FRMD4A: variants seen among roughly 807,000 people sequenced by gnomAD.
FRMD4A encodes FERM domain-containing protein 4A.
Under a neutral mutation model 129.1 loss-of-function variants are expected in FRMD4A, and 29 were observed. The ratio of observed to expected loss-of-function variants is 0.22; its 90% CI spans 0.17 to 0.31. FRMD4A has a LOEUF of 0.31. Ranked by LOEUF, FRMD4A falls within the 10% of genes least tolerant of loss-of-function variation. FRMD4A has a pLI of 1.00. For synonymous variants in FRMD4A, 634 were observed against 571.6 expected (o/e 1.11, Z -1.56); for missense variants, 1,272 against 1,375.8 (o/e 0.92, Z 1.19).
chr10:13,964,480 G>C (rs1455268932), intron 2 of FRMD4A, among the ~76,000 whole-genome samples: 1 of 150,962 alleles, frequency 6.6e-6, no homozygotes, highest in African/African-American at 2.4e-5. Context: ...GCAGGGTGGG[G>C]GTGGGTGGGG....
intron 2 of FRMD4A, among the ~76,000 whole-genome samples, chr10:13,980,815 C>T (rs1043637633): frequency 2.6e-5 from 4 of 152,110 alleles, no homozygotes; most frequent in Non-Finnish European, 4.4e-5. Context: ...CCCAGACCAA[C>T]GATAGTAGAA....
intron 20 of FRMD4A, among the ~76,000 whole-genome samples, chr10:13,659,850 G>A (rs542385350): frequency 4.6e-5 from 4 of 87,530 alleles, no homozygotes; most frequent in East Asian, 3.7e-4. Flanking sequence ...GAAGCAGACC[G>A]AAAATGCCTT....
intron 2 of FRMD4A, among the ~76,000 whole-genome samples, chr10:13,922,372 G>T (rs1356876516): frequency 6.6e-6 from 1 of 152,012 alleles, no homozygotes; most frequent in African/African-American, 2.4e-5. Context: ...GTCAGTACAT[G>T]TATTATGGCA....
At chr10:13,824,135 G>A (rs551592357) in intron 3 of FRMD4A, among the ~76,000 whole-genome samples, 103 of 152,054 alleles carry the variant, frequency 6.8e-4, no homozygotes, top group African/African-American at 2.4e-3. Flanking sequence ...CATATCCACA[G>A]GTTCTGCATC....
intron 2 of FRMD4A, among the ~76,000 whole-genome samples, chr10:14,031,064 C>T (rs1441832009): frequency 6.6e-6 from 1 of 152,154 alleles, no homozygotes; most frequent in Non-Finnish European, 1.5e-5. Context: ...CTCAGTCTTG[C>T]CATCTGTCAC....
At chr10:14,238,130 T>C (rs1331684115) in intron 2 of FRMD4A, among the ~76,000 whole-genome samples, 2 of 152,190 alleles carry the variant, frequency 1.3e-5, no homozygotes. Flanking sequence ...AGGCACCAGT[T>C]ACACTTCTCT....
At chr10:14,096,842 CAA>C (rs1355053040) in intron 2 of FRMD4A, among the ~76,000 whole-genome samples, 3 of 151,880 alleles carry the variant, frequency 2.0e-5, no homozygotes, top group Non-Finnish European at 4.4e-5. Flanking sequence ...CACTAAAGAA[CAA>C]AAAAAGCAGG....
chr10:14,312,710 C>CA (rs930081112), intron 2 of FRMD4A, among the ~76,000 whole-genome samples: 1 of 150,632 alleles, frequency 6.6e-6, no homozygotes, highest in African/African-American at 2.4e-5. Context: ...AAAAAAAATA[C>CA]AAAAAATTAG....
intron 2 of FRMD4A, among the ~76,000 whole-genome samples, chr10:14,113,788 G>A (rs1451231771): frequency 6.7e-6 from 1 of 148,176 alleles, no homozygotes; most frequent in Non-Finnish European, 1.5e-5. Flanking sequence ...GCGTGTGTGC[G>A]TGTGTGTGTG....
intron 2 of FRMD4A, among the ~76,000 whole-genome samples, chr10:13,885,017 T>A (rs919948225): frequency 5.9e-5 from 9 of 152,180 alleles, no homozygotes; most frequent in African/African-American, 2.2e-4. Context: ...AAAGTTAGCA[T>A]CGTTGAGCCT....
chr10:14,299,209 T>C (rs755517862), intron 2 of FRMD4A, among the ~76,000 whole-genome samples: 2 of 152,190 alleles, frequency 1.3e-5, no homozygotes, highest in Non-Finnish European at 2.9e-5. Flanking sequence ...GGAAAACTTC[T>C]TGTCAAAGTG....
At chr10:13,655,327 C>T (rs1403196060) in intron 22 of FRMD4A, 5 of 152,116 alleles carry the variant, frequency 3.3e-5, no homozygotes, top group Non-Finnish European at 7.3e-5. Flanking sequence ...AGAACATAAA[C>T]CCTCCTGTTT....
At position 13,654,787 on chromosome 10, in the gene FRMD4A, T is replaced by C. The variant is rs564115594; in HGVS notation, c.2954-275A>G. ...TCTGAGTCAAGCTGACCTGGGATCCTAGGTCCCCGCTTTGCCACCAGGAGG... is the reference window on the plus strand; with the variant it reads ...TCTGAGTCAAGCTGACCTGGGATCCCAGGTCCCCGCTTTGCCACCAGGAGG... On this transcript the variant is annotated intron_variant, in intron 22 of 24. Coordinates refer to ENST00000357447, the MANE Select transcript of FRMD4A (RefSeq NM_018027.5). 12 of 480,596 alleles carry C rather than the reference T, an allele frequency of 2.5e-5. 1 individual carries two copies. In the South Asian group the frequency reaches 4.4e-4, roughly 18 times the overall value. The allele number at this position is 480,596 out of a possible 1,614,324, so 29.8% of individuals were successfully genotyped here.
chr10:14,180,298 T>C (rs1285329062), intron 2 of FRMD4A, among the ~76,000 whole-genome samples: 1 of 152,192 alleles, frequency 6.6e-6, no homozygotes, highest in Non-Finnish European at 1.5e-5. Flanking sequence ...TTAAGTATGG[T>C]AGTAGATAGC....
At chr10:13,869,658 C>A (rs576274519) in intron 2 of FRMD4A, among the ~76,000 whole-genome samples, 1 of 152,332 alleles carries the variant, frequency 6.6e-6, no homozygotes, top group South Asian at 2.1e-4. Context: ...GAACTCCAGG[C>A]TCCTGGGGGG....
chr10:13,795,747 G>C (rs746425542), intron 5 of FRMD4A, among the ~76,000 whole-genome samples: 1 of 152,148 alleles, frequency 6.6e-6, no homozygotes, highest in Non-Finnish European at 1.5e-5. Context: ...CTGCTGGACT[G>C]GGGGCTCAGA....
chr10:14,233,376 C>T (rs1172978810), intron 2 of FRMD4A, among the ~76,000 whole-genome samples: 11 of 151,384 alleles, frequency 7.3e-5, no homozygotes, highest in Admixed American at 6.6e-4. Flanking sequence ...TCAAGACCAG[C>T]CTGGCCAACA....
intron 17 of FRMD4A, among the ~76,000 whole-genome samples, chr10:13,666,830 A>C (rs992479840): frequency 6.6e-6 from 1 of 151,138 alleles, no homozygotes; most frequent in African/African-American, 2.4e-5. Flanking sequence ...TGCCTAACTC[A>C]CAGGCCTCTG....
rs7100399 is a variant in FRMD4A, at chr10:13,666,435, A to G, written c.1375-110T>C. ...GTCCAGTTCCATGGGAGACACTCTT[A>G]AGAGTAGCCCCACTCCTAAAATCTG... On this transcript the variant is annotated intron_variant, in intron 17 of 24. Transcript: ENST00000357447. 4.4e-3 allele frequency: 3,161 copies of G among 714,340 alleles called. 71 individuals carry two copies. The African/African-American group carries it at 0.05, about 11-fold the overall frequency. The allele number at this position is 714,340 out of a possible 1,614,324, so 44.3% of individuals were successfully genotyped here. A position where few individuals can be genotyped will look rare whatever the true frequency, so the allele number is the denominator to read the frequency against.
Sources: allele counts gnomAD v4.1 joint callset (sites outside exome capture counted in the v4.1 genomes callset), GRCh38; gene constraint gnomAD v4.1.1; transcripts MANE v1.5; gene names NCBI Gene and HGNC (gene_info 2026-07-23, HGNC 2026-07-21).